The following SLCO5A1 variants were observed in gnomAD, a reference collection of about 807,000 sequenced individuals.
The protein encoded by SLCO5A1 is solute carrier organic anion transporter family member 5A1.
In SLCO5A1, 39 loss-of-function variants were observed where a neutral mutation model predicts 65.1. The ratio of observed to expected loss-of-function variants is 0.60; its 90% CI spans 0.46 to 0.78. The LOEUF (loss-of-function observed/expected upper bound fraction) is 0.78, where lower values mean the gene tolerates loss of function less well. Among genes scored for constraint, SLCO5A1 ranks in the 30% least tolerant of loss-of-function variants. SLCO5A1 has a pLI of 0.00. For missense variants in SLCO5A1, 1,029 were observed against 1,069.4 expected (o/e 0.96, Z 0.53); for synonymous variants, 438 against 415.7 (o/e 1.05, Z -0.65).
At chr8:69,798,412 G>A (rs1819591255) in intron 2 of SLCO5A1, among the ~76,000 whole-genome samples, 1 of 152,190 alleles carries the variant, frequency 6.6e-6, no homozygotes, top group Non-Finnish European at 1.5e-5. Context: ...CTTCTGTTTG[G>A]CTGCTGATGA....
At chr8:69,795,139 A>G (rs1819436620) in intron 2 of SLCO5A1, among the ~76,000 whole-genome samples, 3 of 152,160 alleles carry the variant, frequency 2.0e-5, no homozygotes, top group African/African-American at 7.2e-5. Flanking sequence ...TCCAAGCCAT[A>G]TCACTCCACC....
chr8:69,766,581 G>A (rs553720356), intron 2 of SLCO5A1, among the ~76,000 whole-genome samples: 4 of 152,096 alleles, frequency 2.6e-5, no homozygotes, highest in East Asian at 1.9e-4. Flanking sequence ...ATGGCCACAC[G>A]GTTCCTTCAC....
At chr8:69,742,071 A>G (rs747037853) in intron 4 of SLCO5A1, among the ~76,000 whole-genome samples, 3 of 152,188 alleles carry the variant, frequency 2.0e-5, no homozygotes, top group Non-Finnish European at 4.4e-5. Flanking sequence ...TCTTGTACTT[A>G]GGAAACATAC....
chr8:69,708,937 G>C (rs1015845709), intron 5 of SLCO5A1, among the ~76,000 whole-genome samples: 2 of 152,128 alleles, frequency 1.3e-5, no homozygotes, highest in African/African-American at 4.8e-5. Flanking sequence ...AGAAACCAAG[G>C]AGAGAGTTTC....
rs555734128 is a variant in SLCO5A1, at chr8:69,800,644, A to G, written c.907+31123T>C. On this transcript the variant is annotated intron_variant, in intron 2 of 9. Coordinates refer to ENST00000260126, the MANE Select transcript of SLCO5A1 (RefSeq NM_030958.3). Reference sequence around the variant, plus strand: ...GAATCCAGTAGTCAGCACAGGCTACATTACACTGCAGTAACAAGCAGTCTT... The same window carrying G: ...GAATCCAGTAGTCAGCACAGGCTACGTTACACTGCAGTAACAAGCAGTCTT... 1.2e-4 allele frequency among the ~76,000 whole-genome samples: 18 copies of G among 152,342 alleles called. No individual in the cohort carries two copies. The South Asian group carries it at 1.9e-3, about 16-fold the overall frequency.
chr8:69,766,039 T>C (rs930527249), intron 2 of SLCO5A1, among the ~76,000 whole-genome samples: 2 of 152,314 alleles, frequency 1.3e-5, no homozygotes, highest in African/African-American at 4.8e-5. Context: ...TAGGTACTAT[T>C]AGTCTCTCTC....
chr8:69,690,530 G>T (rs536374268), intron 6 of SLCO5A1, among the ~76,000 whole-genome samples: 1 of 152,314 alleles, frequency 6.6e-6, no homozygotes, highest in African/African-American at 2.4e-5. Flanking sequence ...CAGTCAACTG[G>T]GAGGGCTGGT....
rs1813235399 is a variant in SLCO5A1, at chr8:69,668,166, C to T, written c.*4703G>A. The T allele has an allele frequency of 6.6e-6, 1 of 152,148 alleles. No individual in the cohort carries two copies. The highest frequency in any genetic ancestry group is 2.4e-5 in the African/African-American group (1 of 41,432). 9.4% of individuals were successfully genotyped at this position (152,148 alleles called of 1,614,324 possible). ...TAAAACTGAAGTCTTTAAAATAAAA[C>T]CTCCTCAAACATACACAGATCTGAT... On this transcript the variant is annotated 3_prime_UTR_variant, in exon 10 of 10. Transcript: ENST00000260126.
intron 5 of SLCO5A1, 80 bp from the exon 6 acceptor site, chr8:69,705,309 T>A: frequency 7.1e-7 from 1 of 1,400,420 alleles, no homozygotes; most frequent in Non-Finnish European, 9.9e-7. Context: ...TCTTGCTCAG[T>A]AGTACTGAGG....
intron 6 of SLCO5A1, among the ~76,000 whole-genome samples, chr8:69,687,030 G>C (rs1363473872): frequency 2.3e-5 from 3 of 132,562 alleles, no homozygotes; most frequent in Non-Finnish European, 4.9e-5. Context: ...GACATAACAC[G>C]CGCTAAGATA....
chr8:69,769,102 A>C (rs569453332), intron 2 of SLCO5A1, among the ~76,000 whole-genome samples: 2 of 152,158 alleles, frequency 1.3e-5, no homozygotes, highest in Admixed American at 1.3e-4. Flanking sequence ...TCCTGTGTAC[A>C]CTTGACCTAG....
At chr8:69,697,864 T>A (rs1464623754) in intron 6 of SLCO5A1, among the ~76,000 whole-genome samples, 2 of 152,194 alleles carry the variant, frequency 1.3e-5, no homozygotes, top group Non-Finnish European at 2.9e-5. Flanking sequence ...TTTGTTTCAA[T>A]TTTTTTAAAC....
chr8:69,796,111 G>A (rs1819485957), intron 2 of SLCO5A1, among the ~76,000 whole-genome samples: 1 of 152,218 alleles, frequency 6.6e-6, no homozygotes, highest in Admixed American at 6.5e-5. Flanking sequence ...GGCCTGTGAT[G>A]GGAGGAGCTG....
intron 8 of SLCO5A1, among the ~76,000 whole-genome samples, chr8:69,678,210 C>T (rs1017836859): frequency 1.1e-4 from 16 of 151,980 alleles, no homozygotes; most frequent in African/African-American, 2.9e-4. Flanking sequence ...CCTTAAAGCA[C>T]GACAAAATAA....
intron 6 of SLCO5A1, among the ~76,000 whole-genome samples, chr8:69,689,813 G>T (rs894577669): frequency 3.3e-5 from 5 of 151,884 alleles, no homozygotes; most frequent in Admixed American, 6.6e-5. Flanking sequence ...GATTGACTTG[G>T]TGATGCGGGC....
intron 4 of SLCO5A1, among the ~76,000 whole-genome samples, chr8:69,743,734 A>G (rs1816901767): frequency 6.6e-6 from 1 of 152,128 alleles, no homozygotes; most frequent in African/African-American, 2.4e-5. Context: ...GATATCCCCA[A>G]ATGAGCTGAT....
At chr8:69,674,100 A>G (rs1472199720) in intron 9 of SLCO5A1, among the ~76,000 whole-genome samples, 2 of 152,292 alleles carry the variant, frequency 1.3e-5, no homozygotes, top group East Asian at 3.8e-4. Context: ...GCAAATATCT[A>G]TGCCCCCTTT....
At chr8:69,815,844 A>T (rs1277260699) in intron 2 of SLCO5A1, among the ~76,000 whole-genome samples, 1 of 152,212 alleles carries the variant, frequency 6.6e-6, no homozygotes, top group Non-Finnish European at 1.5e-5. Flanking sequence ...ACTAAAAATA[A>T]TCCACTGGAG....
At chr8:69,733,327 A>T (rs1816418050) in intron 5 of SLCO5A1, among the ~76,000 whole-genome samples, 1 of 152,186 alleles carries the variant, frequency 6.6e-6, no homozygotes, top group Non-Finnish European at 1.5e-5. Flanking sequence ...AAAACAAATC[A>T]CTATTCACTA....
Sources: allele counts gnomAD v4.1 joint callset (sites outside exome capture counted in the v4.1 genomes callset), GRCh38; gene constraint gnomAD v4.1.1; transcripts MANE v1.5; gene names NCBI Gene and HGNC (gene_info 2026-07-23, HGNC 2026-07-21).